Variants in NCOR1 observed in about 807,000 individuals in gnomAD.
NCOR1 encodes nuclear receptor corepressor 1.
In NCOR1, 63 loss-of-function variants were observed where a neutral mutation model predicts 288.1. The observed-to-expected ratio is 0.22, with a 90% CI of 0.18 to 0.27. NCOR1 has a LOEUF of 0.27. Ranked by LOEUF, NCOR1 falls within the 10% of genes least tolerant of loss-of-function variation. NCOR1 has a pLI of 1.00. For missense variants in NCOR1, 2,397 were observed against 3,019.2 expected (o/e 0.79, Z 4.83); for synonymous variants, 1,007 against 1,065.9 (o/e 0.94, Z 1.08).
chr17:16,044,220 A>G (rs1309555814), intron 42 of NCOR1, among the ~76,000 whole-genome samples: 1 of 152,032 alleles, frequency 6.6e-6, no homozygotes, highest in Non-Finnish European at 1.5e-5. Context: ...TAAGCCTGAT[A>G]ACAATTCTGG....
intron 1 of NCOR1, among the ~76,000 whole-genome samples, chr17:16,199,212 A>ACACACACACAC (rs1555813691): frequency 2.7e-5 from 3 of 109,592 alleles, no homozygotes; most frequent in Admixed American, 9.9e-5. Context: ...AGGAAAAAAA[A>ACACACACACAC]AAAAACACAC....
chr17:16,035,837 C>T (rs1000846160), intron 44 of NCOR1, among the ~76,000 whole-genome samples: 2 of 152,080 alleles, frequency 1.3e-5, no homozygotes, highest in African/African-American at 2.4e-5. Context: ...TCATCATACC[C>T]GGCCTCTCTT....
At chr17:16,215,086 T>A (rs1268535086) in intron 1 of NCOR1, among the ~76,000 whole-genome samples, 1 of 151,990 alleles carries the variant, frequency 6.6e-6, no homozygotes, top group Non-Finnish European at 1.5e-5. Flanking sequence ...ACAGGACACC[T>A]CGGGGCCAGC....
At chr17:16,184,313 T>C (rs546543189) in intron 3 of NCOR1, among the ~76,000 whole-genome samples, 1 of 152,304 alleles carries the variant, frequency 6.6e-6, no homozygotes, top group South Asian at 2.1e-4. Context: ...AAACTATGCA[T>C]CTGCTAAGGA....
chr17:16,059,749 C>T (rs1073093), intron 37 of NCOR1, among the ~76,000 whole-genome samples: 7,336 of 152,242 alleles, frequency 0.048, 200 homozygotes, highest in African/African-American at 0.087. Flanking sequence ...GGGCTGGACA[C>T]AGATGCAGCA....
At chr17:16,035,529 TC>T (rs1363227194) in intron 44 of NCOR1, among the ~76,000 whole-genome samples, 2 of 148,330 alleles carry the variant, frequency 1.3e-5, no homozygotes, top group South Asian at 2.1e-4. Flanking sequence ...GTTCTCTTGT[TC>T]TTTTTTTTTT....
intron 19 of NCOR1, among the ~76,000 whole-genome samples, chr17:16,103,315 C>T (rs977833939): frequency 2.6e-5 from 4 of 152,194 alleles, no homozygotes; most frequent in African/African-American, 7.2e-5. Context: ...TGAATCTATC[C>T]AATCCTGTTC....
At chr17:16,134,238 A>C (rs2076070383) in intron 14 of NCOR1, among the ~76,000 whole-genome samples, 1 of 152,220 alleles carries the variant, frequency 6.6e-6, no homozygotes, top group Non-Finnish European at 1.5e-5. Context: ...ACAAACAATT[A>C]AGAAACAATG....
chr17:16,187,365 A>C (rs1364606485), intron 2 of NCOR1, among the ~76,000 whole-genome samples: 1 of 151,906 alleles, frequency 6.6e-6, no homozygotes, highest in Non-Finnish European at 1.5e-5. Flanking sequence ...CCTAGTACAC[A>C]ATTTTTCATG....
intron 18 of NCOR1, among the ~76,000 whole-genome samples, chr17:16,112,409 T>C (rs2070468144): frequency 6.6e-6 from 1 of 152,234 alleles, no homozygotes; most frequent in Non-Finnish European, 1.5e-5. Context: ...TCAAATCTTA[T>C]TAGCTTTACT....
chr17:16,040,729 C>T (rs1356843744), intron 42 of NCOR1: 1 of 548,044 alleles, frequency 1.8e-6, no homozygotes, highest in Non-Finnish European at 3.3e-6. Context: ...AAGGTAGGAA[C>T]ATCAAAAGAA....
At chr17:16,189,992 G>C (rs1240294413) in intron 2 of NCOR1, among the ~76,000 whole-genome samples, 1 of 152,184 alleles carries the variant, frequency 6.6e-6, no homozygotes. Context: ...CAGCACTTTA[G>C]GAGGGCAAGG....
At chr17:16,096,279 G>A (rs1006027377) in intron 21 of NCOR1, among the ~76,000 whole-genome samples, 16 of 151,208 alleles carry the variant, frequency 1.1e-4, no homozygotes, top group Non-Finnish European at 2.1e-4. Context: ...CCCCCTCTGC[G>A]AGAAACACCC....
chr17:16,131,164 T>A (rs998025711), intron 14 of NCOR1, among the ~76,000 whole-genome samples: 25 of 152,004 alleles, frequency 1.6e-4, no homozygotes, highest in African/African-American at 1.2e-4. Flanking sequence ...GCTAATTTTT[T>A]AATTTTTTTG....
intron 14 of NCOR1, among the ~76,000 whole-genome samples, chr17:16,126,577 T>C (rs1001262417): frequency 6.6e-6 from 1 of 152,216 alleles, no homozygotes; most frequent in Non-Finnish European, 1.5e-5. Context: ...ATGTTTTAGA[T>C]ACTTAATATG....
intron 1 of NCOR1, 104 bp downstream of exon 1, chr17:16,215,258 C>A: frequency 2.6e-6 from 1 of 386,076 alleles, no homozygotes; most frequent in Non-Finnish European, 4.6e-6. Flanking sequence ...ACCCCCCGCC[C>A]GGCGGAGAAA....
chr17:16,182,620 A>G (rs1328829784), intron 3 of NCOR1, among the ~76,000 whole-genome samples: 1 of 152,044 alleles, frequency 6.6e-6, no homozygotes, highest in Non-Finnish European at 1.5e-5. Context: ...ACGCCCGGCT[A>G]ATGTTTTGTA....
Position 16,058,000 on chromosome 17 carries a change from A to G in NCOR1, c.6075T>C (p.Ser2025=), listed in dbSNP as rs1343297230. The change falls in exon 39 of 46, where the codon TCT becomes TCC. Residue 2025 remains serine, a synonymous_variant. Transcript: ENST00000268712. Reference sequence around the variant, plus strand: ...AAGAAGGGGGCAGCTGTTGTTGGGGAGATGGTGATTCCTGCTGTGGTCGAT... The same window carrying G: ...AAGAAGGGGGCAGCTGTTGTTGGGGGGATGGTGATTCCTGCTGTGGTCGAT... ...HHYRPQQESP[S]PQQQLPPSSQ... 6.2e-7 allele frequency: 1 copy of G among 1,614,088 alleles called. No homozygotes were observed. The highest frequency in any genetic ancestry group is 1.1e-5 in the South Asian group (1 of 91,074).
rs1180056891 is a variant in NCOR1, at chr17:16,186,699, A to G, written c.109-12T>C. On this transcript the variant is annotated splice_polypyrimidine_tract_variant and intron_variant, in intron 2 of 45. Coordinates refer to ENST00000268712, the MANE Select transcript of NCOR1 (RefSeq NM_006311.4). ...GGGACTGCGAACTCCTAGTATTAAA[A>G]TAATCATAAATCAATTATTAACCAA... The G allele has an allele frequency of 1.2e-6, 2 of 1,608,026 alleles. No homozygotes were observed. The highest frequency in any genetic ancestry group is 2.2e-5 in the East Asian group (1 of 44,728).
Sources: gnomAD v4.1 joint callset for allele counts (sites outside exome capture counted in the v4.1 genomes callset) on GRCh38, gnomAD v4.1.1 for gene constraint, MANE v1.5 for transcripts, NCBI Gene and HGNC (gene_info 2026-07-23, HGNC 2026-07-21) for gene names.